HPGDS: variants seen among roughly 807,000 people sequenced by gnomAD.
The protein encoded by HPGDS is GST class-sigma.
HPGDS carries 26 observed loss-of-function variants against 23.1 expected under a neutral mutation model. The observed-to-expected ratio is 1.13, with a 90% CI of 0.83 to 1.56. The LOEUF (loss-of-function observed/expected upper bound fraction) is 1.56. HPGDS is among the 40% of genes most tolerant of loss of function. HPGDS has a pLI of 0.00. For missense variants in HPGDS, 268 were observed against 236.4 expected (o/e 1.13, Z -0.88); for synonymous variants, 95 against 77.9 (o/e 1.22, Z -1.16).
chr4:94,318,333 T>C (rs1212001057), intron 2 of HPGDS, among the ~76,000 whole-genome samples: 1 of 152,136 alleles, frequency 6.6e-6, no homozygotes, highest in Non-Finnish European at 1.5e-5. Flanking sequence ...TTATGAAGAG[T>C]TTGATTTACA....
intron 4 of HPGDS, among the ~76,000 whole-genome samples, chr4:94,304,637 A>G (rs1031598119): frequency 3.3e-5 from 5 of 152,106 alleles, no homozygotes; most frequent in Non-Finnish European, 5.9e-5. Flanking sequence ...TTCATTATAT[A>G]TTAGCCAAGT....
intron 2 of HPGDS, among the ~76,000 whole-genome samples, chr4:94,329,062 C>T (rs186908742): frequency 4.6e-5 from 7 of 152,142 alleles, no homozygotes; most frequent in Admixed American, 4.6e-4. Context: ...ATGAAATTGA[C>T]ATGAGTTGGG....
chr4:94,309,049 G>C (rs533154856), intron 3 of HPGDS, among the ~76,000 whole-genome samples: 5 of 31,226 alleles, frequency 1.6e-4, no homozygotes, highest in Non-Finnish European at 3.4e-4. Context: ...GGGTGTACTT[G>C]CTTTTTTTTT....
rs754056530 is a variant in HPGDS at position 94,328,670 on chromosome 4, A to G, written c.133+5827T>C. On this transcript the variant is annotated intron_variant, in intron 2 of 5. Transcript: ENST00000295256. ...AATCACTTTTCATTTCAAGTTTTGT[A>G]AATCACTTTTCATTTCACAGTATCT... Among the ~76,000 whole-genome samples the G allele has an allele frequency of 3.1e-4, 47 of 152,350 alleles. 1 individual carries two copies. In the Middle Eastern group the frequency reaches 0.01, roughly 33 times the overall value.
At chr4:94,320,999 G>T (rs535031879) in intron 2 of HPGDS, among the ~76,000 whole-genome samples, 107 of 152,208 alleles carry the variant, frequency 7.0e-4, no homozygotes, top group African/African-American at 2.5e-3. Flanking sequence ...AGTTTTCCCA[G>T]CACCATTTAT....
At chr4:94,311,520 T>G (rs1365066712) in intron 3 of HPGDS, among the ~76,000 whole-genome samples, 1 of 151,356 alleles carries the variant, frequency 6.6e-6, no homozygotes, top group African/African-American at 2.5e-5. Flanking sequence ...GTTTTTGATG[T>G]GTTGCTGGAT....
chr4:94,331,571 C>T (rs1317836131), intron 2 of HPGDS, among the ~76,000 whole-genome samples: 1 of 152,196 alleles, frequency 6.6e-6, no homozygotes, highest in East Asian at 1.9e-4. Context: ...CGTTCATTAA[C>T]TTGAGCTGAT....
In HPGDS at chr4:94,317,873, C is replaced by G; in HGVS notation, c.226G>C (p.Asp76His). The change falls in exon 3 of 6, where the codon GAT becomes CAT. Residue 76 changes from aspartate (D) to histidine (H), a missense_variant and splice_region_variant. Physicochemically the swap from Asp to His is moderately conservative, Grantham distance 81. Coordinates refer to ENST00000295256, the MANE Select transcript of HPGDS (RefSeq NM_014485.3). ...ATCTTAAGCACAATAAACATGTTAC[C>G]TGTGTTTTTGGTCAAATATCTTGCT... Reference protein sequence around the residue: ...AIARYLTKNTDLAGNTEMEQC... With the variant: ...AIARYLTKNTHLAGNTEMEQC... 6.4e-7 allele frequency: 1 copy of G among 1,570,802 alleles called. No individual in the cohort carries two copies. The highest frequency in any genetic ancestry group is 2.2e-5 in the East Asian group (1 of 44,522).
At chr4:94,313,850 T>C (rs1253440865) in intron 3 of HPGDS, among the ~76,000 whole-genome samples, 2 of 152,212 alleles carry the variant, frequency 1.3e-5, no homozygotes, top group Non-Finnish European at 2.9e-5. Flanking sequence ...TTTATTCTTT[T>C]TTCTCTAAAC....
intron 4 of HPGDS, among the ~76,000 whole-genome samples, chr4:94,304,244 G>A (rs1474350886): frequency 6.6e-6 from 1 of 151,998 alleles, no homozygotes; most frequent in African/African-American, 2.4e-5. Context: ...ATTATTTTGT[G>A]TTGGAACCAC....
At chr4:94,313,987 A>G (rs1285861488) in intron 3 of HPGDS, among the ~76,000 whole-genome samples, 1 of 152,192 alleles carries the variant, frequency 6.6e-6, no homozygotes, top group South Asian at 2.1e-4. Context: ...TTTCAGCTCC[A>G]TCAGGTCCTT....
At position 94,317,893 on chromosome 4, in the gene HPGDS, C is replaced by A; in HGVS notation, c.206G>T (p.Arg69Ile). ...GTTACCTGTGTTTTTGGTCAAATAT[C>A]TTGCTATTGCTAGGCTCTGGTGAAG... ...LTLHQSLAIARYLTKNTDLAG... is the reference protein window; with the variant it reads ...LTLHQSLAIAIYLTKNTDLAG... Residue 69 changes from arginine (R) to isoleucine (I), a missense_variant, in exon 3 of 6, where the codon AGA (arginine) becomes ATA (isoleucine). Coordinates refer to ENST00000295256, the MANE Select transcript of HPGDS (RefSeq NM_014485.3). 2 of 1,609,666 alleles carry A rather than the reference C, an allele frequency of 1.2e-6. No homozygotes were observed.
At chr4:94,325,591 G>A (rs567788847) in intron 2 of HPGDS, among the ~76,000 whole-genome samples, 5 of 152,210 alleles carry the variant, frequency 3.3e-5, no homozygotes, top group African/African-American at 7.2e-5. Context: ...CACTGAGCCA[G>A]GCGTGGGATA....
intron 3 of HPGDS, among the ~76,000 whole-genome samples, chr4:94,310,323 G>A (rs542639723): frequency 2.2e-4 from 33 of 152,180 alleles, no homozygotes; most frequent in African/African-American, 7.9e-4. Context: ...TGTAAGGAAG[G>A]GATCCAGTTT....
rs1384060671 is a variant in HPGDS, at chr4:94,302,189, A to C, written c.392T>G (p.Leu131Trp). ...TTCTCTCCCCCCTAAATATGTGTCCAAGTCTTGCATAAGATGAGGCGCATT... is the reference window on the plus strand; with the variant it reads ...TTCTCTCCCCCCTAAATATGTGTCCCAGTCTTGCATAAGATGAGGCGCATT... ...TYNAPHLMQD[L>W]DTYLGGREWL... is the part of the protein sequence containing the mutation. The change falls in exon 5 of 6, where the codon TTG (leucine) becomes TGG (tryptophan). Residue 131 changes from leucine to tryptophan, a missense_variant. Transcript: ENST00000295256. The C allele has an allele frequency of 1.9e-6, 3 of 1,612,748 alleles. No homozygotes were observed. Among genetic ancestry groups the C allele is most frequent in the Non-Finnish European group, 1.7e-6 (2 of 1,179,056 alleles).
intron 2 of HPGDS, among the ~76,000 whole-genome samples, chr4:94,324,004 C>A (rs927340729): frequency 2.6e-5 from 4 of 152,102 alleles, no homozygotes; most frequent in Non-Finnish European, 4.4e-5. Context: ...GATTTTATTT[C>A]TCCTTCACTT....
At chr4:94,316,575 A>G (rs991239326) in intron 3 of HPGDS, among the ~76,000 whole-genome samples, 8 of 152,234 alleles carry the variant, frequency 5.3e-5, no homozygotes, top group Admixed American at 2.6e-4. Context: ...CATATTCTAG[A>G]TCCTTCTAGA....
intron 2 of HPGDS, among the ~76,000 whole-genome samples, chr4:94,326,688 T>A (rs1376348541): frequency 6.6e-6 from 1 of 152,192 alleles, no homozygotes. Flanking sequence ...CAATTCTTTT[T>A]CAGGCATTTC....
chr4:94,312,257 C>A (rs1756290794), intron 3 of HPGDS, among the ~76,000 whole-genome samples: 1 of 152,090 alleles, frequency 6.6e-6, no homozygotes, highest in Admixed American at 6.5e-5. Flanking sequence ...ATCTTTCCTG[C>A]TTTCTCTTGT....
Sources: gnomAD v4.1 joint callset for allele counts (sites outside exome capture counted in the v4.1 genomes callset) on GRCh38, gnomAD v4.1.1 for gene constraint, MANE v1.5 for transcripts, NCBI Gene and HGNC (gene_info 2026-07-23, HGNC 2026-07-21) for gene names.